BAIAP2L1: variants seen among roughly 807,000 people sequenced by gnomAD.
BAIAP2L1 encodes BAR/IMD domain containing adaptor protein 2 like 1, also known as BAR/IMD domain-containing adapter protein 2-like 1.
Under a neutral mutation model 66.3 loss-of-function variants are expected in BAIAP2L1, and 35 were observed. That is an observed-to-expected ratio of 0.53 (90% confidence interval 0.40 to 0.70). BAIAP2L1 has a LOEUF of 0.70. Among genes scored for constraint, BAIAP2L1 ranks in the 30% least tolerant of loss-of-function variants. BAIAP2L1 has a pLI of 0.00. For synonymous variants in BAIAP2L1, 269 were observed against 248.7 expected (o/e 1.08, Z -0.77); for missense variants, 622 against 656.9 (o/e 0.95, Z 0.58).
At chr7:98,300,329 G>A (rs773991750) in intron 12 of BAIAP2L1, among the ~76,000 whole-genome samples, 3 of 152,280 alleles carry the variant, frequency 2.0e-5, no homozygotes, top group Non-Finnish European at 2.9e-5. Context: ...CCACAGCTGC[G>A]CTCCCGGAAC....
chr7:98,308,030 C>T (rs947618122), intron 9 of BAIAP2L1, 134 bp from the exon 10 acceptor site: 3 of 856,744 alleles, frequency 3.5e-6, no homozygotes, highest in Non-Finnish European at 5.8e-6. Flanking sequence ...CTGACCCTGT[C>T]CTATTTCCTC....
chr7:98,354,909 A>C, intron 3 of BAIAP2L1, 133 bp downstream of exon 3: 5 of 676,116 alleles, frequency 7.4e-6, no homozygotes, highest in Non-Finnish European at 1.1e-5. Context: ...ATTTCCACAG[A>C]CCGCGGTGAA....
chr7:98,393,946 A>G (rs1803135225), intron 1 of BAIAP2L1, among the ~76,000 whole-genome samples: 1 of 148,510 alleles, frequency 6.7e-6, no homozygotes, highest in South Asian at 2.1e-4. Context: ...TCTACTAAAA[A>G]TATAAAAATT....
At chr7:98,397,895 C>G (rs1803254004) in intron 1 of BAIAP2L1, among the ~76,000 whole-genome samples, 2 of 152,274 alleles carry the variant, frequency 1.3e-5, no homozygotes, top group Non-Finnish European at 2.9e-5. Flanking sequence ...ACACATCCTC[C>G]TGGGAGTTAG....
At chr7:98,304,162 A>C in intron 12 of BAIAP2L1, 34 bp downstream of exon 12, 1 of 1,528,376 alleles carries the variant, frequency 6.5e-7, no homozygotes, top group Non-Finnish European at 8.8e-7. Context: ...TGGCGAGTCC[A>C]GGACCCAGGA....
Position 98,293,087 on chromosome 7 carries a change from C to T in BAIAP2L1, c.*434G>A, listed in dbSNP as rs563021041. ...ATTTGCATGCTAAGATGCAAACTTA[C>T]GTGATATCTTCTTTAGACATAATGC... On this transcript the variant is annotated 3_prime_UTR_variant, in exon 14 of 14. Coordinates refer to ENST00000005260, the MANE Select transcript of BAIAP2L1 (RefSeq NM_018842.5). 12 of 560,456 alleles carry T rather than the reference C, an allele frequency of 2.1e-5. No individual in the cohort carries two copies. The highest frequency in any genetic ancestry group is 9.3e-5 in the East Asian group (1 of 10,722). 34.7% of individuals were successfully genotyped at this position (560,456 alleles called of 1,614,324 possible).
chr7:98,293,105 C>T lies in BAIAP2L1; in HGVS notation c.*416G>A, dbSNP rs551954916. The T allele has an allele frequency of 5.0e-4, 235 of 468,352 alleles. No homozygotes were observed. The highest frequency in any genetic ancestry group is 6.8e-4 in the Non-Finnish European group (231 of 339,726). 29.0% of individuals were successfully genotyped at this position (468,352 alleles called of 1,614,324 possible). A position where few individuals can be genotyped will look rare whatever the true frequency, so the allele number is the denominator to read the frequency against. On this transcript the variant is annotated 3_prime_UTR_variant, in exon 14 of 14. Coordinates refer to ENST00000005260, the MANE Select transcript of BAIAP2L1 (RefSeq NM_018842.5). ...AAACTTACGTGATATCTTCTTTAGACATAATGCTATTAAGAGCACATGCTT... is the reference window on the plus strand; with the variant it reads ...AAACTTACGTGATATCTTCTTTAGATATAATGCTATTAAGAGCACATGCTT...
At chr7:98,349,614 T>A (rs1801954652) in intron 3 of BAIAP2L1, among the ~76,000 whole-genome samples, 1 of 152,058 alleles carries the variant, frequency 6.6e-6, no homozygotes, top group African/African-American at 2.4e-5. Context: ...GGTTCACACC[T>A]GTAATCCCAG....
rs148528539 is a variant in BAIAP2L1, at chr7:98,303,660, C to T, written c.1422+536G>A. On this transcript the variant is annotated intron_variant, in intron 12 of 13. Coordinates refer to ENST00000005260, the MANE Select transcript of BAIAP2L1 (RefSeq NM_018842.5). Reference sequence around the variant, plus strand: ...GTGGCGGGAATGGATGAACTGGTTCCGGGAGCCCAGGACCTCCATGCTGGG... The same window carrying T: ...GTGGCGGGAATGGATGAACTGGTTCTGGGAGCCCAGGACCTCCATGCTGGG... 3.4e-3 allele frequency among the ~76,000 whole-genome samples: 512 copies of T among 152,246 alleles called. 3 individuals carry two copies. The highest frequency in any genetic ancestry group is 0.012 in the African/African-American group (483 of 41,556).
At chr7:98,364,273 C>T (rs895650784) in intron 1 of BAIAP2L1, among the ~76,000 whole-genome samples, 2 of 152,220 alleles carry the variant, frequency 1.3e-5, no homozygotes, top group Admixed American at 6.5e-5. Flanking sequence ...TCCGCCCCGC[C>T]ACCTTTGCTT....
chr7:98,327,101 C>A (rs1215551476), intron 3 of BAIAP2L1, among the ~76,000 whole-genome samples: 1 of 152,172 alleles, frequency 6.6e-6, no homozygotes, highest in Non-Finnish European at 1.5e-5. Flanking sequence ...TGGCTCATGC[C>A]TGGAATCCCA....
In BAIAP2L1 at chr7:98,372,669, T is replaced by C. The variant is rs1802536860; in HGVS notation, c.52-10237A>G. On this transcript the variant is annotated intron_variant, in intron 1 of 13. Coordinates refer to ENST00000005260, the MANE Select transcript of BAIAP2L1 (RefSeq NM_018842.5). The stretch of plus-strand genomic sequence containing the variant: ...TGTTCAAACCAATCAAGGTACATGC[T>C]AATGTCATGTAGCAAAAATAGCTGT... Among the ~76,000 whole-genome samples, 7 of 151,594 alleles carry C rather than the reference T, an allele frequency of 4.6e-5. No homozygotes were observed. In the South Asian group the frequency reaches 1.5e-3, roughly 32 times the overall value.
intron 3 of BAIAP2L1, among the ~76,000 whole-genome samples, chr7:98,327,217 C>T (rs1479918739): frequency 6.6e-6 from 1 of 151,748 alleles, no homozygotes; most frequent in Admixed American, 6.6e-5. Flanking sequence ...AAAAATTAGT[C>T]GGGTGTGGTG....
chr7:98,372,744 T>G (rs1163005679), intron 1 of BAIAP2L1, among the ~76,000 whole-genome samples: 1 of 146,038 alleles, frequency 6.8e-6, no homozygotes, highest in Non-Finnish European at 1.5e-5. Context: ...TTTTTTTTTT[T>G]TTTTTTTTTT....
intron 3 of BAIAP2L1, among the ~76,000 whole-genome samples, chr7:98,351,015 C>T (rs1250689132): frequency 1.3e-5 from 2 of 152,088 alleles, no homozygotes; most frequent in Non-Finnish European, 2.9e-5. Context: ...CGCCACCATG[C>T]CTGGCTAATT....
At position 98,386,232 on chromosome 7, in the gene BAIAP2L1, T is replaced by C. The variant is rs545767671; in HGVS notation, c.51+14570A>G. On this transcript the variant is annotated intron_variant, in intron 1 of 13. Transcript: ENST00000005260. Reference sequence around the variant, plus strand: ...TGACATCAACGTGAGCTTCAATCATTGTCTGCCATTTTTTGACCATGGAAC... The same window carrying C: ...TGACATCAACGTGAGCTTCAATCATCGTCTGCCATTTTTTGACCATGGAAC... 2.4e-5 allele frequency: 37 copies of C among 1,559,976 alleles called. No individual in the cohort carries two copies. The East Asian group carries it at 8.1e-4, about 34-fold the overall frequency.
chr7:98,381,810 G>C (rs1802765257), intron 1 of BAIAP2L1, among the ~76,000 whole-genome samples: 1 of 152,058 alleles, frequency 6.6e-6, no homozygotes, highest in East Asian at 1.9e-4. Context: ...CCAATACACT[G>C]AGGTAAGAAA....
chr7:98,322,009 C>T (rs1688607), intron 3 of BAIAP2L1, among the ~76,000 whole-genome samples: 121,471 of 151,948 alleles, frequency 0.8, 48,673 homozygotes, highest in Middle Eastern at 0.83. Context: ...GGTGGGAGAA[C>T]TGCTTGAACC....
chr7:98,297,215 T>C (rs947588935), intron 12 of BAIAP2L1, among the ~76,000 whole-genome samples: 1 of 152,174 alleles, frequency 6.6e-6, no homozygotes, highest in African/African-American at 2.4e-5. Flanking sequence ...AATCCAAGAA[T>C]CCAAAATGTG....
Sources: allele counts gnomAD v4.1 joint callset (sites outside exome capture counted in the v4.1 genomes callset), GRCh38; gene constraint gnomAD v4.1.1; transcripts MANE v1.5; gene names NCBI Gene and HGNC (gene_info 2026-07-23, HGNC 2026-07-21).